NEK11: variants seen among roughly 807,000 people sequenced by gnomAD.
NEK11 encodes the protein serine/threonine-protein kinase Nek11.
Under a neutral mutation model 80.7 loss-of-function variants are expected in NEK11, and 72 were observed. The observed-to-expected ratio is 0.89, with a 90% CI of 0.74 to 1.08. The LOEUF is 1.08. Ranked by LOEUF, NEK11 falls within the 50% of genes least tolerant of loss-of-function variation. NEK11 has a pLI of 0.00. For synonymous variants in NEK11, 251 were observed against 260.7 expected (o/e 0.96, Z 0.36); for missense variants, 764 against 763.6 (o/e 1.00, Z -0.01).
At chr3:131,211,441 GTGTCT>G (rs1162749583) in intron 14 of NEK11, among the ~76,000 whole-genome samples, 1 of 152,126 alleles carries the variant, frequency 6.6e-6, no homozygotes, top group East Asian at 1.9e-4. Context: ...TGACAATTAT[GTGTCT>G]TGGGGTTGCT....
At chr3:131,307,761 G>A (rs557607631) in intron 17 of NEK11, among the ~76,000 whole-genome samples, 16 of 152,176 alleles carry the variant, frequency 1.1e-4, no homozygotes, top group Admixed American at 1.0e-3. Context: ...GTTTTATATA[G>A]AGCATATTGA....
At chr3:131,266,929 T>TTGTTGCATAATGCA (rs1175081997) in intron 16 of NEK11, among the ~76,000 whole-genome samples, 2 of 152,256 alleles carry the variant, frequency 1.3e-5, no homozygotes, top group Non-Finnish European at 2.9e-5. Context: ...CATTGATCCC[T>TTGTTGCATAATGCA]TTACCATTAT....
intron 3 of NEK11, among the ~76,000 whole-genome samples, chr3:131,058,843 G>C (rs1038538597): frequency 2.6e-5 from 4 of 152,168 alleles, no homozygotes; most frequent in African/African-American, 9.7e-5. Context: ...GGTTACAACT[G>C]AGGTAACTGA....
At chr3:131,132,659 C>T (rs1379452870) in intron 5 of NEK11, 86 bp from the exon 6 acceptor site, 14 of 684,988 alleles carry the variant, frequency 2.0e-5, no homozygotes, top group Non-Finnish European at 3.5e-5. Context: ...ATGTGTAAAT[C>T]ATGTGCAACA....
intron 5 of NEK11, among the ~76,000 whole-genome samples, chr3:131,118,183 A>C (rs760502375): frequency 6.6e-6 from 1 of 152,182 alleles, no homozygotes; most frequent in Non-Finnish European, 1.5e-5. Flanking sequence ...TTGGGTATGA[A>C]GGGCTGTTGA....
chr3:131,058,875 G>A (rs770812319), intron 3 of NEK11, among the ~76,000 whole-genome samples: 18 of 151,976 alleles, frequency 1.2e-4, no homozygotes, highest in Non-Finnish European at 2.5e-4. Flanking sequence ...TGGCCCAAAT[G>A]GAAGTAAAAT....
rs1476021059 is a variant in NEK11 at position 131,080,425 on chromosome 3, A to G, written c.173A>G (p.Lys58Arg). The G allele has an allele frequency of 1.3e-6, 2 of 1,587,756 alleles. No individual in the cohort carries two copies. The highest frequency in any genetic ancestry group is 1.9e-5 in the Admixed American group (1 of 51,468). ...DKKAKRGEELKVLKEISVGEL... is the reference protein window; with the variant it reads ...DKKAKRGEELRVLKEISVGEL... ...TTTAAAATTTTTTTTGATCTCAGAA[A>G]GGTACTTAAGGAAATATCTGTTGGA... The change falls in exon 4 of 18, where the codon AAG becomes AGG. Residue 58 changes from lysine (K) to arginine (R), a missense_variant and splice_region_variant. Transcript: ENST00000383366.
intron 16 of NEK11, among the ~76,000 whole-genome samples, chr3:131,250,528 G>A (rs1029371214): frequency 6.6e-6 from 1 of 152,076 alleles, no homozygotes; most frequent in Non-Finnish European, 1.5e-5. Flanking sequence ...GAAGTTCCTA[G>A]AGGATATGCG....
chr3:131,321,100 T>A (rs778784884), intron 17 of NEK11, among the ~76,000 whole-genome samples: 1 of 152,134 alleles, frequency 6.6e-6, no homozygotes, highest in Non-Finnish European at 1.5e-5. Flanking sequence ...GGCTTCAAAC[T>A]GTACTATAAG....
chr3:131,095,524 GT>G (rs1209686387), intron 4 of NEK11, among the ~76,000 whole-genome samples: 2 of 151,462 alleles, frequency 1.3e-5, no homozygotes, highest in Non-Finnish European at 3.0e-5. Flanking sequence ...TTCCTTTTCT[GT>G]ATATACAGTA....
At chr3:131,268,514 A>T (rs535934388) in intron 16 of NEK11, among the ~76,000 whole-genome samples, 1 of 152,146 alleles carries the variant, frequency 6.6e-6, no homozygotes, top group East Asian at 1.9e-4. Flanking sequence ...TTTTCCTTCT[A>T]ACAGCCAGAC....
rs774989433 is a variant in NEK11, at chr3:131,162,375, G to C, written c.963-33G>C. The C allele has an allele frequency of 1.5e-5, 24 of 1,602,010 alleles. No individual in the cohort carries two copies. In the East Asian group the frequency reaches 5.1e-4, roughly 34 times the overall value. ...TAATTTTTCTGAACATGTTTGGGAT[G>C]GGCTATATGAGGGGAATCTTTGTTA... On this transcript the variant is annotated intron_variant, in intron 10 of 17. Coordinates refer to ENST00000383366, the MANE Select transcript of NEK11 (RefSeq NM_024800.5).
At chr3:131,111,389 T>C (rs966685279) in intron 5 of NEK11, among the ~76,000 whole-genome samples, 8 of 152,206 alleles carry the variant, frequency 5.3e-5, no homozygotes, top group Admixed American at 3.3e-4. Context: ...TTAGTCATTA[T>C]GTTATTATAA....
chr3:131,084,133 C>A (rs562110134), intron 4 of NEK11, among the ~76,000 whole-genome samples: 2 of 152,262 alleles, frequency 1.3e-5, no homozygotes, highest in South Asian at 4.2e-4. Context: ...CTAGAAATCA[C>A]TCCCCACCCC....
intron 16 of NEK11, among the ~76,000 whole-genome samples, chr3:131,268,423 C>G (rs1325963482): frequency 6.6e-6 from 1 of 152,170 alleles, no homozygotes; most frequent in Non-Finnish European, 1.5e-5. Flanking sequence ...TACCTTTGGT[C>G]TTTGATGGTG....
At chr3:131,269,840 A>G (rs1331493782) in intron 16 of NEK11, among the ~76,000 whole-genome samples, 1 of 152,224 alleles carries the variant, frequency 6.6e-6, no homozygotes, top group East Asian at 1.9e-4. Context: ...TTCAGGAAGG[A>G]GCCCACACAT....
chr3:131,234,031 G>A (rs2095385295), intron 15 of NEK11, among the ~76,000 whole-genome samples: 2 of 152,168 alleles, frequency 1.3e-5, no homozygotes, highest in East Asian at 1.9e-4. Context: ...AATTAGAATT[G>A]CTTCTCCTCC....
chr3:131,170,859 G>A lies in NEK11; in HGVS notation c.1371G>A (p.Glu457=). The change falls in exon 14 of 18, where the codon GAG becomes GAA. Residue 457 remains glutamate (E), a synonymous_variant. Transcript: ENST00000383366. ...TCCACGAACTTGAATCAATTGTAGAGGATGCCACATCTGACCTTGGATACC... is the reference window on the plus strand; with the variant it reads ...TCCACGAACTTGAATCAATTGTAGAAGATGCCACATCTGACCTTGGATACC... The part of the protein sequence containing the change: ...MDLHELESIV[E]DATSDLGYHE... The A allele has an allele frequency of 6.2e-7, 1 of 1,613,596 alleles. No homozygotes were observed. Among genetic ancestry groups the A allele is most frequent in the Non-Finnish European group, 8.5e-7 (1 of 1,179,514 alleles).
intron 3 of NEK11, among the ~76,000 whole-genome samples, chr3:131,069,479 A>G (rs1164794669): frequency 6.6e-6 from 1 of 152,168 alleles, no homozygotes; most frequent in Non-Finnish European, 1.5e-5. Context: ...ATTACTGGGT[A>G]TATACCCAAA....
Sources: gnomAD v4.1 joint callset for allele counts (sites outside exome capture counted in the v4.1 genomes callset) on GRCh38, gnomAD v4.1.1 for gene constraint, MANE v1.5 for transcripts, NCBI Gene and HGNC (gene_info 2026-07-23, HGNC 2026-07-21) for gene names.